The following HP1BP3 variants were observed in gnomAD, a reference collection of about 807,000 sequenced individuals.
HP1BP3 encodes the protein heterochromatin protein 1 binding protein 3.
HP1BP3 carries 12 observed loss-of-function variants against 62.5 expected under a neutral mutation model. The ratio of observed to expected loss-of-function variants is 0.19; its 90% confidence interval spans 0.12 to 0.31. HP1BP3 has a LOEUF of 0.31. Ranked by LOEUF, HP1BP3 falls within the 10% of genes least tolerant of loss-of-function variation. The pLI is 1.00. For synonymous variants in HP1BP3, 260 were observed against 237.8 expected (o/e 1.09, Z -0.86); for missense variants, 502 against 651.8 (o/e 0.77, Z 2.50).
At chr1:20,767,307 C>T (rs1189308024) in intron 7 of HP1BP3, among the ~76,000 whole-genome samples, 1 of 152,192 alleles carries the variant, frequency 6.6e-6, no homozygotes, top group Non-Finnish European at 1.5e-5. Context: ...CAGAGCAAGA[C>T]TCCATCTCAA....
At chr1:20,748,149 T>C (rs1227360513) in intron 10 of HP1BP3, among the ~76,000 whole-genome samples, 2 of 152,072 alleles carry the variant, frequency 1.3e-5, no homozygotes, top group Non-Finnish European at 2.9e-5. Context: ...AGGTAGCACA[T>C]AAACAGCAGA....
chr1:20,756,960 T>C (rs2056150112), intron 9 of HP1BP3, among the ~76,000 whole-genome samples: 1 of 152,196 alleles, frequency 6.6e-6, no homozygotes, highest in Non-Finnish European at 1.5e-5. Flanking sequence ...TCCACCTGCC[T>C]TAGCCTCCCA....
At chr1:20,786,838 G>A (rs919849950) in intron 1 of HP1BP3, 5 of 153,134 alleles carry the variant, frequency 3.3e-5, no homozygotes, top group African/African-American at 1.2e-4. Flanking sequence ...CAGCCAATCG[G>A]GGCGGGCAGA....
chr1:20,744,491 C>G lies in HP1BP3; in HGVS notation c.*306G>C, dbSNP rs932203140. 2 of 229,366 alleles carry G rather than the reference C, an allele frequency of 8.7e-6. No homozygotes were observed. Among genetic ancestry groups the G allele is most frequent in the African/African-American group, 4.7e-5 (2 of 42,926 alleles). 14.2% of individuals were successfully genotyped at this position (229,366 alleles called of 1,614,324 possible). On this transcript the variant is annotated 3_prime_UTR_variant, in exon 13 of 13. Coordinates refer to ENST00000438032, the MANE Select transcript of HP1BP3 (RefSeq NM_001372052.1). ...ATAAAATTGGAAGAAAAAAAAAAGG[C>G]AAAGCTGACCATAAAAACAACAGGG...
intron 10 of HP1BP3, among the ~76,000 whole-genome samples, chr1:20,747,967 T>G (rs971178880): frequency 1.3e-5 from 2 of 152,170 alleles, no homozygotes; most frequent in Non-Finnish European, 2.9e-5. Flanking sequence ...TACTCCCACC[T>G]TGGCTTCCCA....
intron 1 of HP1BP3, among the ~76,000 whole-genome samples, chr1:20,785,970 T>C (rs565021141): frequency 6.6e-6 from 1 of 152,334 alleles, no homozygotes; most frequent in South Asian, 2.1e-4. Context: ...CCCAGGCGAT[T>C]TTTAGACGTT....
chr1:20,749,739 G>C lies in HP1BP3; in HGVS notation c.1125C>G (p.Thr375=), dbSNP rs1570553036. Residue 375 remains threonine (T), a synonymous_variant, in exon 10 of 13, where the codon ACC becomes ACG. Transcript: ENST00000438032. ...GAGTCTTACTTTGATAGTTAGAATT[G>C]GTTCCTGGGTGATTCTCTAGGACAT... ...KKYVLENHPG[T]NSNYQMHLLK... is the part of the protein sequence containing the mutation. 1.2e-6 allele frequency: 2 copies of C among 1,610,300 alleles called. No individual in the cohort carries two copies. The highest frequency in any genetic ancestry group is 4.5e-5 in the East Asian group (2 of 44,828).
At chr1:20,784,755 C>T (rs1310778239) in intron 1 of HP1BP3, among the ~76,000 whole-genome samples, 1 of 152,114 alleles carries the variant, frequency 6.6e-6, no homozygotes, top group East Asian at 1.9e-4. Flanking sequence ...GGATTACAGG[C>T]GTGAGCCACC....
chr1:20,755,059 T>G (rs1028635253), intron 9 of HP1BP3, among the ~76,000 whole-genome samples: 2 of 152,204 alleles, frequency 1.3e-5, no homozygotes, highest in Non-Finnish European at 2.9e-5. Context: ...AGTAATGAAT[T>G]CTTGTTAACG....
At chr1:20,746,147 T>C (rs564855991) in intron 11 of HP1BP3, among the ~76,000 whole-genome samples, 1 of 152,078 alleles carries the variant, frequency 6.6e-6, no homozygotes, top group African/African-American at 2.4e-5. Context: ...CTTGATTCCT[T>C]TGATTAACAT....
At chr1:20,777,578 C>T (rs534611032) in intron 3 of HP1BP3, among the ~76,000 whole-genome samples, 1 of 152,242 alleles carries the variant, frequency 6.6e-6, no homozygotes, top group South Asian at 2.1e-4. Context: ...CCTGCCTCAG[C>T]CTCCCTAGTA....
chr1:20,764,362 A>T (rs2056650590), intron 8 of HP1BP3, among the ~76,000 whole-genome samples: 1 of 150,000 alleles, frequency 6.7e-6, no homozygotes, highest in Non-Finnish European at 1.5e-5. Context: ...TTTTTTTTTG[A>T]GACGGAGTTT....
chr1:20,781,066 T>C (rs1470077344), intron 1 of HP1BP3, among the ~76,000 whole-genome samples: 1 of 152,168 alleles, frequency 6.6e-6, no homozygotes, highest in African/African-American at 2.4e-5. Context: ...GAAGCAAATT[T>C]AGACCATCAC....
chr1:20,762,983 G>C (rs890629129), intron 8 of HP1BP3, among the ~76,000 whole-genome samples: 1 of 152,208 alleles, frequency 6.6e-6, no homozygotes, highest in Non-Finnish European at 1.5e-5. Context: ...GAGTTATAGG[G>C]ATGGCTTCGT....
intron 6 of HP1BP3, among the ~76,000 whole-genome samples, chr1:20,770,186 T>TA (rs1557662897): frequency 6.6e-6 from 1 of 152,220 alleles, no homozygotes; most frequent in Non-Finnish European, 1.5e-5. Flanking sequence ...CTGATACTCT[T>TA]AACAGGCTTT....
intron 1 of HP1BP3, chr1:20,786,730 T>C (rs906791089): frequency 6.6e-6 from 1 of 152,070 alleles, no homozygotes. Flanking sequence ...GCCGCCGGCA[T>C]CTTTCGAACC....
rs759886813 is a variant in HP1BP3 at position 20,773,602 on chromosome 1, T to C, written c.359A>G (p.Asp120Gly). Reference protein sequence around the residue: ...SSEETKKDEKDQSKEKEKKVK... With the variant: ...SSEETKKDEKGQSKEKEKKVK... ...TTTCTTCTCCTTTTCTTTAGACTGA[T>C]CTTTCTCACTTTAAAACAAAGAATT... The change falls in exon 5 of 13, where the codon GAT becomes GGT. Residue 120 changes from aspartate to glycine, a missense_variant. Asp to Gly is a moderately conservative substitution (Grantham distance 94, BLOSUM62 -1). Transcript: ENST00000438032. 2.0e-5 allele frequency: 32 copies of C among 1,595,372 alleles called. No individual in the cohort carries two copies. Among genetic ancestry groups the C allele is most frequent in the Non-Finnish European group, 2.3e-5 (27 of 1,169,366 alleles).
intron 1 of HP1BP3, among the ~76,000 whole-genome samples, chr1:20,784,525 C>CT (rs1448768171): frequency 7.1e-6 from 1 of 140,844 alleles, no homozygotes; most frequent in African/African-American, 2.7e-5. Context: ...GTCGCCCAGG[C>CT]TGGAGTGCGG....
At chr1:20,767,690 C>T (rs757511071) in intron 6 of HP1BP3, 26 bp from the exon 7 acceptor site, 24 of 1,464,968 alleles carry the variant, frequency 1.6e-5, no homozygotes, top group Non-Finnish European at 2.2e-5. Flanking sequence ...TTTTGTTATT[C>T]TAGTATTCAT....
Sources: allele counts gnomAD v4.1 joint callset (sites outside exome capture counted in the v4.1 genomes callset), GRCh38; gene constraint gnomAD v4.1.1; transcripts MANE v1.5; gene names NCBI Gene and HGNC (gene_info 2026-07-23, HGNC 2026-07-21).